SPIRE1: variants seen among roughly 807,000 people sequenced by gnomAD.
SPIRE1 encodes the protein spire type actin nucleation factor 1.
SPIRE1 carries 40 observed loss-of-function variants against 94.1 expected under a neutral mutation model. The observed-to-expected ratio is 0.43, with a 90% confidence interval of 0.33 to 0.55. SPIRE1 has a LOEUF of 0.55. SPIRE1 is among the 20% of genes least tolerant of loss of function. The pLI is 0.06. For missense variants in SPIRE1, 838 were observed against 975.2 expected, an observed-to-expected ratio of 0.86 and a Z score of 1.87; for synonymous variants, 376 against 371.7, an observed-to-expected ratio of 1.01 and a Z score of -0.13.
intron 2 of SPIRE1, among the ~76,000 whole-genome samples, chr18:12,585,546 G>T (rs11660232): frequency 0.078 from 11,844 of 152,190 alleles, 622 homozygotes; most frequent in Middle Eastern, 0.15. Flanking sequence ...ATATAATGGG[G>T]ATAATAACTG....
intron 2 of SPIRE1, among the ~76,000 whole-genome samples, chr18:12,576,608 G>C (rs540616305): frequency 9.1e-6 from 1 of 109,678 alleles, no homozygotes; most frequent in Non-Finnish European, 1.9e-5. Context: ...AAAAAAAAAA[G>C]ACGGGGCACA....
At chr18:12,503,071 G>C (rs573686502) in intron 6 of SPIRE1, among the ~76,000 whole-genome samples, 1 of 150,716 alleles carries the variant, frequency 6.6e-6, no homozygotes, top group Non-Finnish European at 1.5e-5. Context: ...ATTACGCCAC[G>C]GTACTCCAGC....
chr18:12,501,979 C>A (rs1567894166), intron 6 of SPIRE1, among the ~76,000 whole-genome samples: 1 of 152,110 alleles, frequency 6.6e-6, no homozygotes, highest in Admixed American at 6.6e-5. Flanking sequence ...CAATAAATGT[C>A]TTTTATTTAC....
Position 12,449,379 on chromosome 18 carries a change from A to G in SPIRE1, c.*259T>C, listed in dbSNP as rs116860247. 10,720 of 483,048 alleles carry G rather than the reference A, an allele frequency of 0.022. 201 individuals are homozygous for G. Among genetic ancestry groups the G allele is most frequent in the Middle Eastern group, 0.049 (85 of 1,736 alleles). The allele number at this position is 483,048 out of a possible 1,614,324, so 29.9% of individuals were successfully genotyped here. A position where few individuals can be genotyped will look rare whatever the true frequency, so the allele number is the denominator to read the frequency against. On this transcript the variant is annotated 3_prime_UTR_variant, in exon 17 of 17. Coordinates refer to ENST00000409402, the MANE Select transcript of SPIRE1 (RefSeq NM_001128626.2). ...ACTAAGGAAGTAGCTACTGGCTTCC[A>G]AAGCCACACACACACAAAAGTAAGT...
intron 2 of SPIRE1, among the ~76,000 whole-genome samples, chr18:12,553,159 C>T (rs2144332105): frequency 6.6e-6 from 1 of 152,246 alleles, no homozygotes; most frequent in African/African-American, 2.4e-5. Context: ...GCTGTGGTGG[C>T]TAAGGTGAAA....
intron 2 of SPIRE1, among the ~76,000 whole-genome samples, chr18:12,613,639 C>G (rs1196061843): frequency 6.6e-6 from 1 of 152,146 alleles, no homozygotes; most frequent in Non-Finnish European, 1.5e-5. Context: ...GTGGCTCACA[C>G]CTGTAATCCC....
intron 3 of SPIRE1, among the ~76,000 whole-genome samples, chr18:12,539,626 C>A (rs2034955326): frequency 6.6e-6 from 1 of 150,972 alleles, no homozygotes; most frequent in Non-Finnish European, 1.5e-5. Context: ...TTGGGAATAA[C>A]AGCTACTATT....
In SPIRE1 at chr18:12,493,565, C is replaced by T. The variant is rs2143868085; in HGVS notation, c.1060-364G>A. On this transcript the variant is annotated intron_variant, in intron 7 of 16. Coordinates refer to ENST00000409402, the MANE Select transcript of SPIRE1 (RefSeq NM_001128626.2). ...GGGATTACAGGCGTGTGCCAACATG[C>T]CTGGCTAATTTTTGTATTTTTAGTA... 2.6e-5 allele frequency among the ~76,000 whole-genome samples: 4 copies of T among 152,208 alleles called. 1 individual carries two copies. In the South Asian group the frequency reaches 8.3e-4, roughly 32 times the overall value.
Position 12,479,809 on chromosome 18 carries a change from T to C in SPIRE1, c.1294A>G (p.Thr432Ala). The change falls in exon 10 of 17, where the codon ACA becomes GCA. Residue 432 changes from threonine to alanine, a missense_variant. Around this residue, in one of 2 missense-constraint regions of SPIRE1, gnomAD observed 645 missense variants for 804.7 expected, o/e 0.80. Transcript: ENST00000409402. ...AACCCGTTTTCTTTTGTTTGTGATG[T>C]CAAACCTCCATTCACCATAGATGAC... The part of the protein sequence containing the change: ...VESSMVNGGL[T>A]SQTKENGLST... 1 of 1,614,166 alleles carries C rather than the reference T, an allele frequency of 6.2e-7. No homozygotes were observed. Among genetic ancestry groups the C allele is most frequent in the Middle Eastern group, 1.6e-4 (1 of 6,062 alleles).
chr18:12,572,207 A>G (rs894890889), intron 2 of SPIRE1, among the ~76,000 whole-genome samples: 3 of 152,126 alleles, frequency 2.0e-5, no homozygotes, highest in Admixed American at 6.5e-5. Context: ...TCAATTACAC[A>G]ATCACACAGG....
chr18:12,566,138 C>A (rs1174886827), intron 2 of SPIRE1, among the ~76,000 whole-genome samples: 2 of 151,824 alleles, frequency 1.3e-5, no homozygotes, highest in African/African-American at 4.8e-5. Flanking sequence ...GAGTTTGAGA[C>A]CAGCCTGGCC....
At chr18:12,531,505 C>T (rs1294419934) in intron 4 of SPIRE1, among the ~76,000 whole-genome samples, 1 of 152,110 alleles carries the variant, frequency 6.6e-6, no homozygotes, top group African/African-American at 2.4e-5. Flanking sequence ...AGTGGAACAC[C>T]TTTGCCGGAC....
At position 12,446,619 on chromosome 18, in the gene SPIRE1, T is replaced by C. The variant is rs1314881616; in HGVS notation, c.*3019A>G. On this transcript the variant is annotated 3_prime_UTR_variant, in exon 17 of 17. Transcript: ENST00000409402. ...CTGAATGCCAGCAATACCTCGACTT[T>C]TACACACGCAGGAAGCCTAGTAAAA... The C allele has an allele frequency of 6.6e-6, 1 of 152,174 alleles. No individual in the cohort carries two copies. The highest frequency in any genetic ancestry group is 1.5e-5 in the Non-Finnish European group (1 of 68,028). 9.4% of individuals were successfully genotyped at this position (152,174 alleles called of 1,614,324 possible). A position where few individuals can be genotyped will look rare whatever the true frequency, so the allele number is the denominator to read the frequency against.
intron 2 of SPIRE1, among the ~76,000 whole-genome samples, chr18:12,591,349 A>G (rs1254718493): frequency 6.6e-6 from 1 of 152,232 alleles, no homozygotes; most frequent in Non-Finnish European, 1.5e-5. Context: ...CGAGAGAGAA[A>G]AAGCATGAAA....
chr18:12,513,319 C>G (rs201148557), intron 4 of SPIRE1, among the ~76,000 whole-genome samples: 2 of 152,102 alleles, frequency 1.3e-5, no homozygotes, highest in African/African-American at 4.8e-5. Context: ...AGCAATTCTA[C>G]TTACAGTAAT....
rs553513176 is a variant in SPIRE1, at chr18:12,609,577, T to G, written c.372+25485A>C. Among the ~76,000 whole-genome samples, 19 of 152,352 alleles carry G rather than the reference T, an allele frequency of 1.2e-4. No individual in the cohort carries two copies. The East Asian group carries it at 3.7e-3, about 29-fold the overall frequency. Reference sequence around the variant, plus strand: ...CTCTTGCTACAAGCTAGGTAGAATCTGTTCCAGTCTCAACGATCTGAGACC... The same window carrying G: ...CTCTTGCTACAAGCTAGGTAGAATCGGTTCCAGTCTCAACGATCTGAGACC... On this transcript the variant is annotated intron_variant, in intron 2 of 16. Transcript: ENST00000409402.
At chr18:12,634,526 G>T (rs1260036176) in intron 2 of SPIRE1, among the ~76,000 whole-genome samples, 1 of 151,992 alleles carries the variant, frequency 6.6e-6, no homozygotes, top group Non-Finnish European at 1.5e-5. Flanking sequence ...ATTTTAAAAT[G>T]ATAATTAAGC....
At chr18:12,461,566 T>C (rs906835945) in intron 12 of SPIRE1, among the ~76,000 whole-genome samples, 74 of 135,566 alleles carry the variant, frequency 5.5e-4, no homozygotes, top group African/African-American at 2.1e-3. Flanking sequence ...TGCGTGTATA[T>C]GTATGTACAT....
chr18:12,639,081 C>G (rs1022471458), intron 1 of SPIRE1, among the ~76,000 whole-genome samples: 2 of 152,080 alleles, frequency 1.3e-5, no homozygotes, highest in Non-Finnish European at 2.9e-5. Context: ...AGGCTAACTA[C>G]CATTTCTACT....
Sources: gnomAD v4.1 joint callset for allele counts (sites outside exome capture counted in the v4.1 genomes callset) on GRCh38, gnomAD v4.1.1 for gene constraint, gnomAD v4.1.1 regional missense constraint, MANE v1.5 for transcripts, NCBI Gene and HGNC (gene_info 2026-07-23, HGNC 2026-07-21) for gene names.